CSMD1: variants seen among roughly 807,000 people sequenced by gnomAD.
The protein encoded by CSMD1 is CUB and Sushi multiple domains 1.
Under a neutral mutation model 417.5 loss-of-function variants are expected in CSMD1, and 213 were observed. The observed-to-expected ratio is 0.51, with a 90% CI of 0.46 to 0.57. CSMD1 has a LOEUF of 0.57. Ranked by LOEUF, CSMD1 falls within the 20% of genes least tolerant of loss-of-function variation. CSMD1 has a pLI of 0.00. For synonymous variants in CSMD1, 2,862 were observed against 1,736.8 expected (o/e 1.65, Z -16.11); for missense variants, 6,923 against 4,529.7 (o/e 1.53, Z -15.17).
chr8:3,160,201 G>A (rs2129039486), intron 38 of CSMD1, among the ~76,000 whole-genome samples: 1 of 152,182 alleles, frequency 6.6e-6, no homozygotes, highest in East Asian at 1.9e-4. Flanking sequence ...TCGGCTCACT[G>A]CAACCTCCGC....
At chr8:4,147,199 A>G (rs531358072) in intron 3 of CSMD1, among the ~76,000 whole-genome samples, 22 of 151,718 alleles carry the variant, frequency 1.5e-4, no homozygotes, top group Middle Eastern at 3.4e-3. Context: ...ACTCCCTCAC[A>G]CAACTACTGA....
At chr8:4,080,324 C>T (rs888584286) in intron 3 of CSMD1, among the ~76,000 whole-genome samples, 1 of 152,100 alleles carries the variant, frequency 6.6e-6, no homozygotes, top group Non-Finnish European at 1.5e-5. Context: ...ACGATCTTAC[C>T]CGTGAGTACT....
chr8:4,010,149 C>G (rs957548743), intron 4 of CSMD1, among the ~76,000 whole-genome samples: 1 of 152,148 alleles, frequency 6.6e-6, no homozygotes, highest in Non-Finnish European at 1.5e-5. Context: ...CTGAAGTCAT[C>G]TCAGTAGCCA....
At chr8:3,664,653 T>G (rs114361323) in intron 7 of CSMD1, among the ~76,000 whole-genome samples, 8 of 152,320 alleles carry the variant, frequency 5.3e-5, no homozygotes, top group Non-Finnish European at 7.3e-5. Context: ...ATCAGGAGCA[T>G]CTTTTCTCAT....
intron 3 of CSMD1, among the ~76,000 whole-genome samples, chr8:4,321,323 A>G (rs570796236): frequency 6.6e-6 from 1 of 152,196 alleles, no homozygotes; most frequent in African/African-American, 2.4e-5. Context: ...TTTCCTCCTG[A>G]AATGGCCATA....
At chr8:3,779,311 T>C (rs541200983) in intron 5 of CSMD1, among the ~76,000 whole-genome samples, 1 of 152,080 alleles carries the variant, frequency 6.6e-6, no homozygotes, top group Non-Finnish European at 1.5e-5. Context: ...TTTCTATTGA[T>C]TTTTAGAGAT....
At chr8:4,024,591 T>C (rs1410844081) in intron 4 of CSMD1, among the ~76,000 whole-genome samples, 2 of 152,286 alleles carry the variant, frequency 1.3e-5, no homozygotes, top group Non-Finnish European at 2.9e-5. Context: ...ATAATCATAT[T>C]TTCCCTGCCC....
chr8:4,812,262 G>C (rs1585140321), intron 1 of CSMD1, among the ~76,000 whole-genome samples: 1 of 152,290 alleles, frequency 6.6e-6, no homozygotes, highest in African/African-American at 2.4e-5. Context: ...CAGATGAATA[G>C]TTCTAAGTTT....
intron 3 of CSMD1, among the ~76,000 whole-genome samples, chr8:4,196,552 T>C (rs553157452): frequency 6.6e-6 from 1 of 152,160 alleles, no homozygotes; most frequent in South Asian, 2.1e-4. Context: ...CTGTGAGTCA[T>C]TCATTTTTAG....
At chr8:3,411,958 G>A (rs1266888319) in intron 12 of CSMD1, among the ~76,000 whole-genome samples, 1 of 45,874 alleles carries the variant, frequency 2.2e-5, no homozygotes, top group Non-Finnish European at 4.2e-5. Context: ...ATATATACAC[G>A]TATATATGCA....
At chr8:3,545,772 C>T (rs796754562) in intron 10 of CSMD1, among the ~76,000 whole-genome samples, 14 of 152,248 alleles carry the variant, frequency 9.2e-5, no homozygotes, top group African/African-American at 3.4e-4. Context: ...TACAGATAAG[C>T]TTTTGTTAAA....
chr8:4,768,039 T>C (rs1812587639), intron 1 of CSMD1, among the ~76,000 whole-genome samples: 1 of 152,190 alleles, frequency 6.6e-6, no homozygotes, highest in Admixed American at 6.5e-5. Flanking sequence ...TGCGTTGAGT[T>C]AGTCTTCTTT....
At chr8:3,179,091 G>A (rs1293446552) in intron 37 of CSMD1, among the ~76,000 whole-genome samples, 5 of 139,272 alleles carry the variant, frequency 3.6e-5, no homozygotes, top group Non-Finnish European at 7.8e-5. Context: ...GGGACTACAG[G>A]CCCGCCACCA....
intron 1 of CSMD1, among the ~76,000 whole-genome samples, chr8:4,851,886 T>C (rs1016427406): frequency 2.6e-5 from 4 of 152,176 alleles, no homozygotes; most frequent in African/African-American, 9.7e-5. Context: ...TCACACCCCA[T>C]AGAGAAAATT....
intron 5 of CSMD1, among the ~76,000 whole-genome samples, chr8:3,929,932 G>A (rs1329442062): frequency 6.7e-6 from 1 of 150,152 alleles, no homozygotes; most frequent in Non-Finnish European, 1.5e-5. Flanking sequence ...AAAGCGCTGG[G>A]ATTACAGGCC....
intron 2 of CSMD1, among the ~76,000 whole-genome samples, chr8:4,582,391 G>C (rs888368830): frequency 5.9e-5 from 9 of 152,186 alleles, no homozygotes; most frequent in Admixed American, 3.3e-4. Context: ...ACAAAGGAGA[G>C]ATTATCAGGG....
At chr8:4,925,990 C>A (rs1428633567) in intron 1 of CSMD1, among the ~76,000 whole-genome samples, 1 of 152,168 alleles carries the variant, frequency 6.6e-6, no homozygotes, top group Non-Finnish European at 1.5e-5. Context: ...GCAATGCATT[C>A]TTTCCAGGTT....
At chr8:3,015,070 A>C (rs1185633713) in intron 52 of CSMD1, among the ~76,000 whole-genome samples, 1 of 150,274 alleles carries the variant, frequency 6.7e-6, no homozygotes, top group Admixed American at 6.7e-5. Context: ...AAAAATTAAA[A>C]TTAAAAAAGT....
At chr8:3,716,156 C>G (rs1180171088) in intron 6 of CSMD1, among the ~76,000 whole-genome samples, 1 of 152,178 alleles carries the variant, frequency 6.6e-6, no homozygotes, top group Non-Finnish European at 1.5e-5. Flanking sequence ...AATTCACTGG[C>G]CGCTCCTTGT....
Sources: allele counts gnomAD v4.1 joint callset (sites outside exome capture counted in the v4.1 genomes callset), GRCh38; gene constraint gnomAD v4.1.1; transcripts MANE v1.5; gene names NCBI Gene and HGNC (gene_info 2026-07-23, HGNC 2026-07-21).